TMCC1: variants seen among roughly 807,000 people sequenced by gnomAD.
TMCC1 encodes the protein transmembrane and coiled-coil domain family 1.
In TMCC1, 15 loss-of-function variants were observed where a neutral mutation model predicts 52.4. The ratio of observed to expected loss-of-function variants is 0.29; its 90% CI spans 0.19 to 0.44. TMCC1 has a LOEUF of 0.44. Ranked by LOEUF, TMCC1 falls within the 20% of genes least tolerant of loss-of-function variation. The pLI is 1.00. For missense variants in TMCC1, 503 were observed against 806.0 expected (o/e 0.62, Z 4.55); for synonymous variants, 279 against 301.9 (o/e 0.92, Z 0.79).
intron 4 of TMCC1, among the ~76,000 whole-genome samples, chr3:129,798,598 C>T (rs1236820209): frequency 6.6e-6 from 1 of 150,392 alleles, no homozygotes; most frequent in African/African-American, 2.4e-5. Flanking sequence ...TAATTTCCCT[C>T]ACTAACAAGG....
At chr3:129,872,987 G>A (rs951533371) in intron 2 of TMCC1, among the ~76,000 whole-genome samples, 5 of 149,900 alleles carry the variant, frequency 3.3e-5, no homozygotes, top group Non-Finnish European at 5.9e-5. Context: ...GCACAATCTC[G>A]GCTCACTGCA....
At chr3:129,739,308 C>T (rs1299899048) in intron 4 of TMCC1, among the ~76,000 whole-genome samples, 1 of 152,122 alleles carries the variant, frequency 6.6e-6, no homozygotes, top group Non-Finnish European at 1.5e-5. Context: ...GCTGGGATTA[C>T]AGGCATGCAC....
chr3:129,886,863 G>T (rs1353302623), intron 1 of TMCC1, among the ~76,000 whole-genome samples: 1 of 151,416 alleles, frequency 6.6e-6, no homozygotes, highest in African/African-American at 2.4e-5. Flanking sequence ...CTGGAACCCG[G>T]GAGGCGGAGG....
chr3:129,737,122 T>C (rs903002691), intron 4 of TMCC1, among the ~76,000 whole-genome samples: 18 of 152,126 alleles, frequency 1.2e-4, no homozygotes, highest in African/African-American at 4.3e-4. Flanking sequence ...TGGAAAGTGA[T>C]TAAGTCATAA....
intron 4 of TMCC1, among the ~76,000 whole-genome samples, chr3:129,783,838 GA>G (rs771700149): frequency 2.7e-3 from 408 of 152,334 alleles, no homozygotes; most frequent in Middle Eastern, 0.014. Flanking sequence ...CCAAAAAGAT[GA>G]AGTTAGAAAT....
At chr3:129,878,801 T>C (rs1195607469) in intron 2 of TMCC1, among the ~76,000 whole-genome samples, 1 of 152,040 alleles carries the variant, frequency 6.6e-6, no homozygotes, top group African/African-American at 2.4e-5. Context: ...GAAATTAGAG[T>C]CTAAATTTTA....
chr3:129,854,810 T>G (rs1397737118), intron 2 of TMCC1, among the ~76,000 whole-genome samples: 1 of 152,242 alleles, frequency 6.6e-6, no homozygotes, highest in Non-Finnish European at 1.5e-5. Flanking sequence ...CAATACCTAC[T>G]CTTATGCCAC....
rs1489721261 is a variant in TMCC1, at chr3:129,648,934, A to G, written c.*2547T>C. ...TGGGTCTGGTGAATAATTAAGGGAC[A>G]AGAAAGCCATTACTGCACCTGATCT... On this transcript the variant is annotated 3_prime_UTR_variant, in exon 7 of 7. Coordinates refer to ENST00000393238, the MANE Select transcript of TMCC1 (RefSeq NM_001017395.5). The G allele has an allele frequency of 6.6e-6, 1 of 152,254 alleles. No individual in the cohort carries two copies. The highest frequency in any genetic ancestry group is 2.4e-5 in the African/African-American group (1 of 41,450). The allele number at this position is 152,254 out of a possible 1,614,324, so 9.4% of individuals were successfully genotyped here. A position where few individuals can be genotyped will look rare whatever the true frequency, so the allele number is the denominator to read the frequency against.
At chr3:129,745,515 T>C (rs2051861202) in intron 4 of TMCC1, among the ~76,000 whole-genome samples, 1 of 152,228 alleles carries the variant, frequency 6.6e-6, no homozygotes, top group Non-Finnish European at 1.5e-5. Context: ...ATAGTTGTGA[T>C]TGCAGCCACT....
intron 4 of TMCC1, among the ~76,000 whole-genome samples, chr3:129,724,137 T>C (rs1162487026): frequency 6.6e-6 from 1 of 152,062 alleles, no homozygotes. Context: ...AGTATCACTG[T>C]AATATGAAGC....
At chr3:129,733,297 C>A (rs189306068) in intron 4 of TMCC1, among the ~76,000 whole-genome samples, 1 of 152,270 alleles carries the variant, frequency 6.6e-6, no homozygotes, top group Non-Finnish European at 1.5e-5. Flanking sequence ...AACAACACAG[C>A]CTTTATGCAT....
At chr3:129,803,232 A>G (rs551645796) in intron 4 of TMCC1, among the ~76,000 whole-genome samples, 1 of 152,258 alleles carries the variant, frequency 6.6e-6, no homozygotes, top group Non-Finnish European at 1.5e-5. Context: ...ATGAACCTTG[A>G]GGACATTATG....
At chr3:129,733,277 G>A (rs1196571861) in intron 4 of TMCC1, among the ~76,000 whole-genome samples, 1 of 152,182 alleles carries the variant, frequency 6.6e-6, no homozygotes, top group East Asian at 1.9e-4. Context: ...TTCAAGTGTG[G>A]TGTACATGAA....
At chr3:129,668,069 T>A (rs2087613086) in intron 5 of TMCC1, among the ~76,000 whole-genome samples, 1 of 152,082 alleles carries the variant, frequency 6.6e-6, no homozygotes, top group Non-Finnish European at 1.5e-5. Context: ...ACACCTGTAG[T>A]CCCAGCTACT....
At chr3:129,871,546 G>A (rs952540395) in intron 2 of TMCC1, among the ~76,000 whole-genome samples, 4 of 151,584 alleles carry the variant, frequency 2.6e-5, no homozygotes, top group African/African-American at 7.3e-5. Context: ...ACCATTATTC[G>A]AGATCTCAAT....
rs550530194 is a variant in TMCC1, at chr3:129,796,272, G to A, written c.576+31531C>T. 9.0e-4 allele frequency among the ~76,000 whole-genome samples: 137 copies of A among 152,276 alleles called. 3 individuals carry two copies. In the South Asian group the frequency reaches 0.022, roughly 24 times the overall value. ...GAGCAACAGGCTATACCATATAGCC[G>A]AGGTGTGTAGTAGGTTATGCTATCT... On this transcript the variant is annotated intron_variant, in intron 4 of 6. Coordinates refer to ENST00000393238, the MANE Select transcript of TMCC1 (RefSeq NM_001017395.5).
At chr3:129,870,532 G>C (rs2060861044) in intron 2 of TMCC1, among the ~76,000 whole-genome samples, 1 of 151,758 alleles carries the variant, frequency 6.6e-6, no homozygotes, top group Non-Finnish European at 1.5e-5. Context: ...GAGGTCAGGA[G>C]ATCGAGATCA....
At chr3:129,871,054 T>C (rs2060904640) in intron 2 of TMCC1, among the ~76,000 whole-genome samples, 1 of 151,986 alleles carries the variant, frequency 6.6e-6, no homozygotes, top group Admixed American at 6.6e-5. Context: ...AGCCAGATAA[T>C]TTCTGTTTAA....
intron 4 of TMCC1, among the ~76,000 whole-genome samples, chr3:129,716,231 C>T (rs1481692521): frequency 3.6e-5 from 5 of 139,470 alleles, no homozygotes; most frequent in Non-Finnish European, 6.2e-5. Flanking sequence ...GGCACAATCT[C>T]GGCTAACTGT....
Sources: allele counts gnomAD v4.1 joint callset (sites outside exome capture counted in the v4.1 genomes callset), GRCh38; gene constraint gnomAD v4.1.1; transcripts MANE v1.5; gene names NCBI Gene and HGNC (gene_info 2026-07-23, HGNC 2026-07-21).